CERS6: variants seen among roughly 807,000 people sequenced by gnomAD.
CERS6 encodes the protein LAG1 homolog, ceramide synthase 6.
CERS6 carries 26 observed loss-of-function variants against 56.8 expected under a neutral mutation model. The observed-to-expected ratio is 0.46, with a 90% CI of 0.34 to 0.63. The LOEUF is 0.63. Ranked by LOEUF, CERS6 falls within the 30% of genes least tolerant of loss-of-function variation. The pLI is 0.01. For synonymous variants in CERS6, 164 were observed against 173.3 expected, an observed-to-expected ratio of 0.95 and a Z score of 0.42; for missense variants, 415 against 467.5, an observed-to-expected ratio of 0.89 and a Z score of 1.04.
At chr2:168,542,916 T>C (rs1219565579) in intron 1 of CERS6, among the ~76,000 whole-genome samples, 3 of 152,076 alleles carry the variant, frequency 2.0e-5, no homozygotes, top group African/African-American at 7.2e-5. Context: ...AGGCTGGTCT[T>C]GAACTCCTGG....
chr2:168,460,015 T>TA (rs1693750219), intron 1 of CERS6, among the ~76,000 whole-genome samples: 2 of 152,134 alleles, frequency 1.3e-5, no homozygotes, highest in East Asian at 1.9e-4. Flanking sequence ...AGTCAAAACT[T>TA]ACACTGGGGC....
intron 6 of CERS6, among the ~76,000 whole-genome samples, chr2:168,707,511 A>G (rs1274509429): frequency 2.0e-5 from 3 of 152,224 alleles, no homozygotes; most frequent in Non-Finnish European, 4.4e-5. Flanking sequence ...TAGGCTATAC[A>G]TAAGAAAAAA....
Position 168,558,387 on chromosome 2 carries a change from A to G in CERS6, c.277-2805A>G, listed in dbSNP as rs574219551. On this transcript the variant is annotated intron_variant, in intron 2 of 9. Transcript: ENST00000305747. ...GCAGAATGGATAAGTAAATTATGGT[A>G]TATCTTTACAGCTCTACAAAAGAAT... is the stretch of plus-strand genomic sequence containing the variant. 1.1e-4 allele frequency among the ~76,000 whole-genome samples: 16 copies of G among 152,352 alleles called. No homozygotes were observed. The East Asian group carries it at 1.7e-3, about 16-fold the overall frequency.
intron 1 of CERS6, among the ~76,000 whole-genome samples, chr2:168,457,278 G>A (rs1440750451): frequency 6.6e-6 from 1 of 152,172 alleles, no homozygotes; most frequent in Non-Finnish European, 1.5e-5. Context: ...GACAGGACGG[G>A]TCCACATCCT....
Position 168,760,552 on chromosome 2 carries a change from C to A in CERS6, c.846-5040C>A, listed in dbSNP as rs371345887. On this transcript the variant is annotated intron_variant, in intron 8 of 9. Coordinates refer to ENST00000305747, the MANE Select transcript of CERS6 (RefSeq NM_203463.3). Reference sequence around the variant, plus strand: ...AGTTGACACTCAGTATTAACTATCACAACCACTGTCCTGAACTCTGTCACC... The same window carrying A: ...AGTTGACACTCAGTATTAACTATCAAAACCACTGTCCTGAACTCTGTCACC... Among the ~76,000 whole-genome samples, 15 of 152,252 alleles carry A rather than the reference C, an allele frequency of 9.9e-5. 1 individual carries two copies. The highest frequency in any genetic ancestry group is 4.6e-4 in the Admixed American group (7 of 15,296).
In CERS6 at chr2:168,689,804, A is replaced by C. The variant is rs146345547; in HGVS notation, c.466-1230A>C. Among the ~76,000 whole-genome samples, 378 of 152,328 alleles carry C rather than the reference A, an allele frequency of 2.5e-3. 1 individual carries two copies. The highest frequency in any genetic ancestry group is 8.5e-3 in the African/African-American group (354 of 41,580). ...AAGGGAAATGTAAAGATTCTGGAAC[A>C]TAGTTAGGTTTAGGGCAGTGCATGG... On this transcript the variant is annotated intron_variant, in intron 4 of 9. Coordinates refer to ENST00000305747, the MANE Select transcript of CERS6 (RefSeq NM_203463.3).
intron 4 of CERS6, among the ~76,000 whole-genome samples, chr2:168,684,553 C>T (rs1686298467): frequency 1.3e-5 from 2 of 151,476 alleles, no homozygotes; most frequent in Admixed American, 1.3e-4. Flanking sequence ...AAATTAATAA[C>T]ACAGTTTCTT....
chr2:168,559,732 A>ATTTT (rs1298323076), intron 2 of CERS6, among the ~76,000 whole-genome samples: 1 of 7,938 alleles, frequency 1.3e-4, no homozygotes, highest in African/African-American at 7.2e-4. Context: ...TTAGAAAGGT[A>ATTTT]TCATATATAT....
chr2:168,464,177 TG>T (rs1693828849), intron 1 of CERS6, among the ~76,000 whole-genome samples: 2 of 96,030 alleles, frequency 2.1e-5, no homozygotes, highest in South Asian at 3.0e-4. Context: ...ATACTTTTTG[TG>T]TGTGTGTGTG....
chr2:168,607,489 C>G (rs1684080491), intron 3 of CERS6, among the ~76,000 whole-genome samples: 1 of 152,158 alleles, frequency 6.6e-6, no homozygotes, highest in African/African-American at 2.4e-5. Context: ...TCAAGCGATT[C>G]TCCTGCCTCA....
At chr2:168,583,584 G>T (rs950958636) in intron 3 of CERS6, among the ~76,000 whole-genome samples, 3 of 152,162 alleles carry the variant, frequency 2.0e-5, no homozygotes, top group Non-Finnish European at 4.4e-5. Flanking sequence ...CAGTCATTAG[G>T]CTTTTAGAGA....
rs146691959 is a variant in CERS6 at position 168,554,447 on chromosome 2, C to G, written c.277-6745C>G. Among the ~76,000 whole-genome samples, 424 of 152,238 alleles carry G rather than the reference C, an allele frequency of 2.8e-3. 7 individuals are homozygous for G. The highest frequency in any genetic ancestry group is 9.4e-3 in the African/African-American group (391 of 41,544). On this transcript the variant is annotated intron_variant, in intron 2 of 9. Coordinates refer to ENST00000305747, the MANE Select transcript of CERS6 (RefSeq NM_203463.3). ...TGGGATTATTATGGTGGGTCCTAAT[C>G]CAATATGCCGGGTGTCCATATACAA... is the stretch of plus-strand genomic sequence containing the variant.
chr2:168,707,409 C>T (rs529412401), intron 6 of CERS6, among the ~76,000 whole-genome samples: 9 of 152,164 alleles, frequency 5.9e-5, no homozygotes, highest in Non-Finnish European at 1.3e-4. Flanking sequence ...GCCAGGACTC[C>T]TCCACCTTAT....
chr2:168,651,377 G>C (rs1685336271), intron 4 of CERS6, among the ~76,000 whole-genome samples: 1 of 152,130 alleles, frequency 6.6e-6, no homozygotes, highest in Admixed American at 6.5e-5. Context: ...TAGCCTTTGG[G>C]ACAATTATAT....
At chr2:168,632,878 G>A (rs781512517) in intron 4 of CERS6, among the ~76,000 whole-genome samples, 4 of 152,058 alleles carry the variant, frequency 2.6e-5, no homozygotes, top group Non-Finnish European at 5.9e-5. Context: ...GCACGTTTTT[G>A]CTCTTTTCCT....
chr2:168,610,277 G>T (rs557314186), intron 3 of CERS6, among the ~76,000 whole-genome samples: 1 of 152,038 alleles, frequency 6.6e-6, no homozygotes, highest in African/African-American at 2.4e-5. Flanking sequence ...ACTCCCGGCC[G>T]ACTGATTTTT....
At chr2:168,560,659 G>A (rs1482940074) in intron 2 of CERS6, among the ~76,000 whole-genome samples, 1 of 152,216 alleles carries the variant, frequency 6.6e-6, no homozygotes, top group Non-Finnish European at 1.5e-5. Flanking sequence ...GGGGAAGAAA[G>A]ATAAACTGTG....
At chr2:168,546,569 A>C (rs1007827295) in intron 1 of CERS6, among the ~76,000 whole-genome samples, 2 of 152,220 alleles carry the variant, frequency 1.3e-5, no homozygotes, top group Non-Finnish European at 2.9e-5. Flanking sequence ...ACCTTTGTCT[A>C]CTGTTCTTTA....
chr2:168,610,171 G>T (rs1044282315), intron 3 of CERS6, among the ~76,000 whole-genome samples: 4 of 151,918 alleles, frequency 2.6e-5, no homozygotes, highest in African/African-American at 7.3e-5. Flanking sequence ...TAGAGACGGG[G>T]TTTCACCATG....
Sources: gnomAD v4.1 joint callset for allele counts (sites outside exome capture counted in the v4.1 genomes callset) on GRCh38, gnomAD v4.1.1 for gene constraint, MANE v1.5 for transcripts, NCBI Gene and HGNC (gene_info 2026-07-23, HGNC 2026-07-21) for gene names.